Variants in PVT1 observed in about 807,000 individuals in gnomAD.
PVT1 encodes Pvt1 oncogene, also known as CXCR4/PVT1 fusion.
At chr8:128,100,137 CCCTTCCTT>C (rs796473962) in intron 6 of PVT1, among the ~76,000 whole-genome samples, 1 of 144,688 alleles carries the variant, frequency 6.9e-6, no homozygotes, top group East Asian at 2.0e-4. Context: ...ATCCCTCCCT[CCCTTCCTT>C]CCTTCCTTCC....
intron 2 of PVT1, among the ~76,000 whole-genome samples, chr8:127,817,546 TACAC>T (rs1554588971): frequency 4.4e-5 from 4 of 89,932 alleles, no homozygotes; most frequent in South Asian, 3.8e-4. Context: ...TATATATATA[TACAC>T]ACACACACAC....
At chr8:127,874,972 G>A (rs1218974430) in intron 2 of PVT1, among the ~76,000 whole-genome samples, 1 of 152,022 alleles carries the variant, frequency 6.6e-6, no homozygotes. Flanking sequence ...GCCTGCTGGA[G>A]CAGGTGCAGT....
chr8:127,826,014 CTTTTTT>C (rs57575268), intron 2 of PVT1, among the ~76,000 whole-genome samples: 6 of 89,696 alleles, frequency 6.7e-5, no homozygotes, highest in East Asian at 3.0e-4. Flanking sequence ...CCATGCCCAG[CTTTTTT>C]TTTTTTTTTT....
chr8:128,072,553 T>TA (rs1454383166), intron 5 of PVT1, among the ~76,000 whole-genome samples: 4 of 152,210 alleles, frequency 2.6e-5, no homozygotes, highest in Non-Finnish European at 5.9e-5. Flanking sequence ...AGTTTCCACT[T>TA]ACACTGACAA....
chr8:127,847,302 T>C (rs528199848), intron 2 of PVT1, among the ~76,000 whole-genome samples: 1 of 152,300 alleles, frequency 6.6e-6, no homozygotes, highest in South Asian at 2.1e-4. Context: ...AATACCAACG[T>C]TGTATAATAC....
chr8:128,054,381 T>A (rs950311579), intron 4 of PVT1, among the ~76,000 whole-genome samples: 8 of 152,018 alleles, frequency 5.3e-5, no homozygotes, highest in African/African-American at 1.9e-4. Context: ...TGAAGAGAAG[T>A]ATGGAAAGAA....
intron 3 of PVT1, among the ~76,000 whole-genome samples, chr8:127,916,358 C>T (rs911671504): frequency 5.9e-5 from 9 of 152,234 alleles, no homozygotes; most frequent in East Asian, 1.9e-4. Flanking sequence ...CCCAAACTCC[C>T]GAATCTAGTG....
chr8:128,029,343 G>C (rs1161489673), intron 4 of PVT1, among the ~76,000 whole-genome samples: 2 of 151,926 alleles, frequency 1.3e-5, no homozygotes, highest in Non-Finnish European at 2.9e-5. Flanking sequence ...GCCCAGGCTG[G>C]TCTCGAACTC....
At chr8:128,035,191 T>C (rs572499124) in intron 4 of PVT1, among the ~76,000 whole-genome samples, 39 of 152,346 alleles carry the variant, frequency 2.6e-4, no homozygotes, top group African/African-American at 9.1e-4. Context: ...ACTCTAGTCC[T>C]GCCTGGGTTC....
intron 6 of PVT1, among the ~76,000 whole-genome samples, chr8:128,099,099 G>A (rs189190836): frequency 3.3e-4 from 51 of 152,268 alleles, no homozygotes; most frequent in Non-Finnish European, 5.0e-4. Context: ...ACCAGGGGTC[G>A]CCTAGCTAAG....
chr8:127,984,877 CTTTCTTTCTT>C (rs1449627325), intron 3 of PVT1, among the ~76,000 whole-genome samples: 60 of 87,468 alleles, frequency 6.9e-4, no homozygotes, highest in East Asian at 1.3e-3. Flanking sequence ...TTCTTTCTTT[CTTTCTTTCTT>C]TCTTTCTTTC....
At chr8:128,007,057 T>A (rs6996633) in intron 4 of PVT1, among the ~76,000 whole-genome samples, 100,863 of 152,132 alleles carry the variant, frequency 0.66, 34,062 homozygotes, top group African/African-American at 0.79. Context: ...ACATTCTAGT[T>A]AACAACTGAT....
At chr8:127,887,094 C>T (rs1815531043) in intron 2 of PVT1, among the ~76,000 whole-genome samples, 1 of 151,734 alleles carries the variant, frequency 6.6e-6, no homozygotes. Flanking sequence ...GCTCAGGAGT[C>T]ACTTAGTGAC....
chr8:128,007,835 G>A (rs1485261552), intron 4 of PVT1, among the ~76,000 whole-genome samples: 2 of 152,186 alleles, frequency 1.3e-5, no homozygotes, highest in Non-Finnish European at 2.9e-5. Flanking sequence ...GCAATGTCTT[G>A]CCCAGTGGAC....
chr8:127,958,534 C>T (rs898796529), intron 3 of PVT1, among the ~76,000 whole-genome samples: 4 of 152,210 alleles, frequency 2.6e-5, no homozygotes, highest in African/African-American at 7.2e-5. Context: ...CCACCATGCC[C>T]GGCCCATGCT....
At chr8:127,849,224 C>T (rs1418511603) in intron 2 of PVT1, among the ~76,000 whole-genome samples, 1 of 152,014 alleles carries the variant, frequency 6.6e-6, no homozygotes, top group Non-Finnish European at 1.5e-5. Flanking sequence ...GCTGGCAGAC[C>T]CTGGCTGAGG....
At chr8:128,038,877 C>T (rs1307651406) in intron 4 of PVT1, among the ~76,000 whole-genome samples, 2 of 152,112 alleles carry the variant, frequency 1.3e-5, no homozygotes, top group Non-Finnish European at 2.9e-5. Context: ...ATTTAATGTT[C>T]TTCAGTAGGA....
intron 3 of PVT1, chr8:127,960,660 G>GTAC (rs1816629090): frequency 1.9e-6 from 1 of 527,092 alleles, no homozygotes; most frequent in Non-Finnish European, 3.9e-6. Context: ...TTGCTTTGAG[G>GTAC]TACTTCCTTC....
At chr8:127,953,938 G>A (rs918170662) in intron 3 of PVT1, among the ~76,000 whole-genome samples, 3 of 152,130 alleles carry the variant, frequency 2.0e-5, no homozygotes, top group Admixed American at 2.0e-4. Flanking sequence ...GCAAAGCATG[G>A]TCTAGGCAGG....
Sources: allele counts gnomAD v4.1 joint callset (sites outside exome capture counted in the v4.1 genomes callset), GRCh38; gene constraint gnomAD v4.1.1; transcripts MANE v1.5; gene names NCBI Gene and HGNC (gene_info 2026-07-23, HGNC 2026-07-21).